The following COLEC10 variants were observed in gnomAD, a reference collection of about 807,000 sequenced individuals.
COLEC10 encodes collectin-10.
A neutral mutation model predicts 28.4 loss-of-function variants in COLEC10; 22 were observed. The ratio of observed to expected loss-of-function variants is 0.78; its 90% CI spans 0.55 to 1.11. The LOEUF (loss-of-function observed/expected upper bound fraction) is 1.11. Ranked by LOEUF, COLEC10 falls within the 50% of genes least tolerant of loss-of-function variation. The probability of loss-of-function intolerance (pLI) is 0.00; values close to 1 mark genes in which losing one functional copy is unlikely to be tolerated. For missense variants in COLEC10, 361 were observed against 344.1 expected (o/e 1.05, Z -0.39); for synonymous variants, 125 against 116.1 (o/e 1.08, Z -0.49).
Position 119,047,930 on chromosome 8 carries a change from T to C in COLEC10, n.235+38377T>C, listed in dbSNP as rs144649767. ...CCCCCAATCCTTGGGTACTCAATCA[T>C]CAAAGAAAAAAATTATTATTTAACA... On this transcript the variant is annotated intron_variant and non_coding_transcript_variant, in intron 2 of 6. Transcript: ENST00000521788. Among the ~76,000 whole-genome samples, 387 of 152,260 alleles carry C rather than the reference T, an allele frequency of 2.5e-3. 2 individuals are homozygous for C. Among genetic ancestry groups the C allele is most frequent in the African/African-American group, 9.0e-3 (374 of 41,554 alleles).
At chr8:119,082,678 G>A (rs1007993983) in intron 1 of COLEC10, among the ~76,000 whole-genome samples, 4 of 152,216 alleles carry the variant, frequency 2.6e-5, no homozygotes, top group Non-Finnish European at 5.9e-5. Context: ...CGAGGTACAA[G>A]AAGTTCAACA....
chr8:119,012,446 G>T (rs970817373), intron 2 of COLEC10, among the ~76,000 whole-genome samples: 2 of 150,190 alleles, frequency 1.3e-5, no homozygotes, highest in African/African-American at 2.5e-5. Context: ...GTAAGGTCTT[G>T]GTCTGGTTTT....
chr8:118,957,997 C>T, the COLEC10 span, among the ~76,000 whole-genome samples: 1 of 152,256 alleles, frequency 6.6e-6, no homozygotes, highest in Non-Finnish European at 1.5e-5. Context: ...GGTCACACTG[C>T]CTGTGCTGAA....
At chr8:119,067,794 C>T (rs1370341105) in intron 1 of COLEC10, 1 of 168,180 alleles carries the variant, frequency 5.9e-6, no homozygotes, top group African/African-American at 2.4e-5. Context: ...TGTTTGTACT[C>T]TCCTCCTTTC....
intron 1 of COLEC10, among the ~76,000 whole-genome samples, chr8:119,007,272 C>T (rs1045029822): frequency 1.3e-5 from 2 of 152,082 alleles, no homozygotes; most frequent in African/African-American, 4.8e-5. Flanking sequence ...CCTCTATGTT[C>T]TACTGGACTT....
chr8:119,053,425 G>A (rs1329427007), intron 2 of COLEC10, among the ~76,000 whole-genome samples: 3 of 152,078 alleles, frequency 2.0e-5, no homozygotes, highest in African/African-American at 7.2e-5. Context: ...CCTCAAAGCA[G>A]GAACACTTGA....
intron 1 of COLEC10, among the ~76,000 whole-genome samples, chr8:119,080,689 T>A (rs1025206401): frequency 6.6e-6 from 1 of 152,160 alleles, no homozygotes; most frequent in African/African-American, 2.4e-5. Flanking sequence ...TGTAAGGATG[T>A]ATAAAATGAA....
intron 2 of COLEC10, among the ~76,000 whole-genome samples, chr8:119,014,248 G>T (rs975302825): frequency 2.0e-5 from 3 of 149,460 alleles, no homozygotes; most frequent in African/African-American, 7.6e-5. Flanking sequence ...TTCTTGCAAG[G>T]TTGCTCTACC....
In COLEC10 at chr8:119,067,387, G is replaced by A. The variant is rs146657673; in HGVS notation, c.106G>A (p.Ala36Thr). The change falls in exon 1 of 6, where the codon GCT becomes ACT. Residue 36 changes from alanine (A) to threonine (T), a missense_variant. Coordinates refer to ENST00000332843, the MANE Select transcript of COLEC10 (RefSeq NM_006438.5). Reference sequence around the variant, plus strand: ...TCTGGATATTGATAGCCGTCCTACCGCTGAAGTCTGTGCCACACACACAAT... The same window carrying A: ...TCTGGATATTGATAGCCGTCCTACCACTGAAGTCTGTGCCACACACACAAT... ...LGLDIDSRPT[A>T]EVCATHTISP... The A allele has an allele frequency of 5.3e-5, 85 of 1,613,814 alleles. No homozygotes were observed. The highest frequency in any genetic ancestry group is 4.0e-4 in the African/African-American group (30 of 74,856).
chr8:119,037,945 T>C (rs754979645), intron 2 of COLEC10, among the ~76,000 whole-genome samples: 1 of 152,246 alleles, frequency 6.6e-6, no homozygotes, highest in Non-Finnish European at 1.5e-5. Context: ...GCTTGGACCC[T>C]ATCTCTTGCA....
chr8:118,968,671 C>T, the COLEC10 span, among the ~76,000 whole-genome samples: 7 of 151,782 alleles, frequency 4.6e-5, no homozygotes, highest in African/African-American at 1.7e-4. Flanking sequence ...ATGTGCAGAA[C>T]GTGCAGGTTT....
At chr8:118,979,901 G>T in the COLEC10 span, among the ~76,000 whole-genome samples, 2 of 152,110 alleles carry the variant, frequency 1.3e-5, no homozygotes, top group African/African-American at 4.8e-5. Context: ...TCACATGAGT[G>T]TTGGCAGACT....
intron 2 of COLEC10, among the ~76,000 whole-genome samples, chr8:119,018,031 T>A (rs1261210480): frequency 6.6e-6 from 1 of 152,152 alleles, no homozygotes; most frequent in Non-Finnish European, 1.5e-5. Flanking sequence ...ACATTATTAT[T>A]CTAGGAGGGG....
chr8:119,046,319 A>G (rs1190349770), intron 2 of COLEC10, among the ~76,000 whole-genome samples: 1 of 152,068 alleles, frequency 6.6e-6, no homozygotes, highest in Admixed American at 6.5e-5. Flanking sequence ...TTGTAGATTT[A>G]TCCTACTCAA....
At chr8:119,105,734 C>A (rs2130312450) in intron 5 of COLEC10, 66 bp from the exon 6 acceptor site, 1 of 1,309,808 alleles carries the variant, frequency 7.6e-7, no homozygotes, top group Non-Finnish European at 1.0e-6. Flanking sequence ...CTGGCAATAT[C>A]ATATAATTTT....
intron 2 of COLEC10, among the ~76,000 whole-genome samples, chr8:119,035,290 G>T (rs1814369472): frequency 1.1e-5 from 1 of 91,382 alleles, no homozygotes; most frequent in Admixed American, 1.1e-4. Flanking sequence ...AGGAATATCT[G>T]CTATCTATGA....
intron 2 of COLEC10, among the ~76,000 whole-genome samples, chr8:119,049,029 G>A (rs1759689750): frequency 6.6e-6 from 1 of 152,122 alleles, no homozygotes; most frequent in Non-Finnish European, 1.5e-5. Flanking sequence ...GGCTGGTCTT[G>A]TTGAAATGTA....
At chr8:119,013,706 C>T (rs368821989) in intron 2 of COLEC10, among the ~76,000 whole-genome samples, 3 of 150,750 alleles carry the variant, frequency 2.0e-5, no homozygotes, top group East Asian at 3.9e-4. Flanking sequence ...CTGATCAGTT[C>T]TTCATTACGT....
chr8:119,076,574 C>A (rs1815242269), intron 1 of COLEC10, among the ~76,000 whole-genome samples: 1 of 152,180 alleles, frequency 6.6e-6, no homozygotes, highest in South Asian at 2.1e-4. Flanking sequence ...ACACAAAATT[C>A]TTTAAACAGA....
Sources: gnomAD v4.1 joint callset for allele counts (sites outside exome capture counted in the v4.1 genomes callset) on GRCh38, gnomAD v4.1.1 for gene constraint, MANE v1.5 for transcripts, NCBI Gene and HGNC (gene_info 2026-07-23, HGNC 2026-07-21) for gene names.